RNLS: variants seen among roughly 807,000 people sequenced by gnomAD.
The protein encoded by RNLS is renalase, FAD dependent amine oxidase.
In RNLS, 39 loss-of-function variants were observed where a neutral mutation model predicts 39.8. The ratio of observed to expected loss-of-function variants is 0.98; its 90% CI spans 0.76 to 1.28. The LOEUF (loss-of-function observed/expected upper bound fraction) is 1.28, where lower values mean the gene tolerates loss of function less well. RNLS is among the 50% of genes most tolerant of loss of function. The pLI, the probability that RNLS is intolerant of heterozygous loss-of-function variation, is 0.00. For missense variants in RNLS, 410 were observed against 413.3 expected (o/e 0.99, Z 0.07); for synonymous variants, 147 against 150.7 (o/e 0.98, Z 0.18).
the RNLS span, among the ~76,000 whole-genome samples, chr10:88,236,138 A>G: frequency 1.3e-5 from 2 of 152,258 alleles, no homozygotes; most frequent in African/African-American, 4.8e-5. Context: ...TGAAGAAACC[A>G]TGGTATAACA....
the RNLS span, among the ~76,000 whole-genome samples, chr10:88,203,635 G>A: frequency 6.7e-6 from 1 of 149,968 alleles, no homozygotes; most frequent in Non-Finnish European, 1.5e-5. Flanking sequence ...GGCTCTCTGG[G>A]GGTGAAAATA....
chr10:88,565,293 C>T (rs892156163), intron 4 of RNLS, among the ~76,000 whole-genome samples: 1 of 151,962 alleles, frequency 6.6e-6, no homozygotes, highest in Non-Finnish European at 1.5e-5. Flanking sequence ...CAATATATGG[C>T]TTTGTAAGTG....
At chr10:88,496,186 A>G (rs773862773) in intron 4 of RNLS, among the ~76,000 whole-genome samples, 5 of 152,166 alleles carry the variant, frequency 3.3e-5, no homozygotes, top group Non-Finnish European at 7.4e-5. Flanking sequence ...GAGAGCAATT[A>G]CCCAACAGAC....
chr10:88,231,166 T>C, the RNLS span, among the ~76,000 whole-genome samples: 2 of 152,224 alleles, frequency 1.3e-5, no homozygotes, highest in Non-Finnish European at 2.9e-5. Flanking sequence ...TACCTCAGAA[T>C]GTGACTGTAT....
rs74146690 is a variant in RNLS at position 88,285,755 on chromosome 10, G to A, written c.877-249C>T. Among the ~76,000 whole-genome samples, 10,731 of 152,094 alleles carry A rather than the reference G, an allele frequency of 0.071. 579 individuals are homozygous for A. Among genetic ancestry groups the A allele is most frequent in the African/African-American group, 0.15 (6,270 of 41,472 alleles). On this transcript the variant is annotated intron_variant, in intron 6 of 6. Coordinates refer to ENST00000331772, the MANE Select transcript of RNLS (RefSeq NM_001031709.3). Reference sequence around the variant, plus strand: ...TTTAAATTTTCAGTTATTAGATAAGGTAATCAGAAGTGGGCTGAACTTCAA... The same window carrying A: ...TTTAAATTTTCAGTTATTAGATAAGATAATCAGAAGTGGGCTGAACTTCAA...
At chr10:88,233,394 G>A in the RNLS span, among the ~76,000 whole-genome samples, 5 of 152,216 alleles carry the variant, frequency 3.3e-5, no homozygotes, top group Non-Finnish European at 7.3e-5. Context: ...ACACTCCAGG[G>A]AAAATGCAGG....
At chr10:88,517,621 TA>T (rs1846483533) in intron 4 of RNLS, among the ~76,000 whole-genome samples, 1 of 151,922 alleles carries the variant, frequency 6.6e-6, no homozygotes, top group African/African-American at 2.4e-5. Context: ...ATTCATCTAA[TA>T]TTTTTACTGC....
chr10:88,349,957 A>G (rs1413435980), intron 5 of RNLS, among the ~76,000 whole-genome samples: 1 of 152,154 alleles, frequency 6.6e-6, no homozygotes, highest in African/African-American at 2.4e-5. Context: ...TCTATTATAT[A>G]AATGACAAAA....
intron 4 of RNLS, among the ~76,000 whole-genome samples, chr10:88,432,731 C>T (rs966659685): frequency 5.3e-5 from 8 of 151,940 alleles, no homozygotes; most frequent in African/African-American, 1.9e-4. Context: ...CTGTAAGACT[C>T]TATGGTTATG....
intron 4 of RNLS, among the ~76,000 whole-genome samples, chr10:88,477,700 T>C (rs1051758881): frequency 1.3e-5 from 2 of 152,228 alleles, no homozygotes; most frequent in Non-Finnish European, 2.9e-5. Context: ...TTCACATGCA[T>C]CATCCCCCTT....
intron 4 of RNLS, among the ~76,000 whole-genome samples, chr10:88,528,787 AG>A (rs1355746021): frequency 2.0e-5 from 3 of 147,136 alleles, no homozygotes; most frequent in African/African-American, 7.5e-5. Context: ...CAGGAGGCGG[AG>A]GTTGCAGTGA....
At chr10:88,363,677 C>T (rs1210577103) in intron 4 of RNLS, among the ~76,000 whole-genome samples, 1 of 152,010 alleles carries the variant, frequency 6.6e-6, no homozygotes, top group Non-Finnish European at 1.5e-5. Context: ...GAAATAATGT[C>T]TGTGTCAACT....
chr10:88,504,524 G>A (rs1845678656), intron 4 of RNLS, among the ~76,000 whole-genome samples: 1 of 151,878 alleles, frequency 6.6e-6, no homozygotes. Flanking sequence ...TTTTTATGTA[G>A]TTTTAACTTT....
Position 88,568,452 on chromosome 10 carries a change from C to T in RNLS, c.526+4451G>A, listed in dbSNP as rs140637665. ...TTATACTAAAAACCACTGAATTGTA[C>T]ATTTTAGATAGGTGAATTGTATGGT... On this transcript the variant is annotated intron_variant, in intron 4 of 6. Coordinates refer to ENST00000331772, the MANE Select transcript of RNLS (RefSeq NM_001031709.3). 4.8e-3 allele frequency among the ~76,000 whole-genome samples: 734 copies of T among 152,062 alleles called. 4 individuals are homozygous for T. The highest frequency in any genetic ancestry group is 0.017 in the African/African-American group (702 of 41,456).
chr10:88,220,443 G>A, the RNLS span, among the ~76,000 whole-genome samples: 1,150 of 152,270 alleles, frequency 7.6e-3, 11 homozygotes, highest in African/African-American at 0.025. Context: ...TATAGTGGAT[G>A]CTTTCAGCTG....
the RNLS span, among the ~76,000 whole-genome samples, chr10:88,216,790 A>C: frequency 7.8e-3 from 1,184 of 152,304 alleles, 23 homozygotes; most frequent in African/African-American, 0.027. Flanking sequence ...ACAACAACAA[A>C]AAAACCCGGG....
At chr10:88,581,100 A>T (rs1850507391) in intron 3 of RNLS, among the ~76,000 whole-genome samples, 1 of 152,068 alleles carries the variant, frequency 6.6e-6, no homozygotes, top group South Asian at 2.1e-4. Flanking sequence ...CTAATAGTTA[A>T]ATAAGTGATG....
At chr10:88,395,549 C>G (rs1038831151) in intron 4 of RNLS, among the ~76,000 whole-genome samples, 4 of 151,806 alleles carry the variant, frequency 2.6e-5, no homozygotes, top group Non-Finnish European at 5.9e-5. Flanking sequence ...CTGATGCTAT[C>G]AAGTCTGAGG....
chr10:88,566,776 T>C (rs981646465), intron 4 of RNLS, among the ~76,000 whole-genome samples: 3 of 152,048 alleles, frequency 2.0e-5, no homozygotes, highest in Non-Finnish European at 4.4e-5. Context: ...TCTGAGATCA[T>C]AATAAATGAA....
Sources: gnomAD v4.1 joint callset for allele counts (sites outside exome capture counted in the v4.1 genomes callset) on GRCh38, gnomAD v4.1.1 for gene constraint, MANE v1.5 for transcripts, NCBI Gene and HGNC (gene_info 2026-07-23, HGNC 2026-07-21) for gene names.